The following ATP9B variants were observed in gnomAD, a reference collection of about 807,000 sequenced individuals.
ATP9B encodes the protein probable phospholipid-transporting ATPase IIB.
In ATP9B, 110 loss-of-function variants were observed where a neutral mutation model predicts 146.1. The ratio of observed to expected loss-of-function variants is 0.75; its 90% CI spans 0.65 to 0.88. The LOEUF is 0.88. Among genes scored for constraint, ATP9B ranks in the 40% least tolerant of loss-of-function variants. The pLI is 0.00. For synonymous variants in ATP9B, 604 were observed against 569.7 expected (o/e 1.06, Z -0.86); for missense variants, 1,499 against 1,496.4 (o/e 1.00, Z -0.03).
Position 79,344,424 on chromosome 18 carries a change from G to A in ATP9B, c.2472+70G>A, listed in dbSNP as rs148291652. 323 of 1,400,372 alleles carry A rather than the reference G, an allele frequency of 2.3e-4. No individual in the cohort carries two copies. In the African/African-American group the frequency reaches 3.2e-3, roughly 14 times the overall value. 86.7% of individuals were successfully genotyped at this position (1,400,372 alleles called of 1,614,324 possible). A position where few individuals can be genotyped will look rare whatever the true frequency, so the allele number is the denominator to read the frequency against. ...AGGCAAGGCTGGTCCCTGGCTGAGT[G>A]TCTGTTTGTCTCTCAGGCAAGGCTG... On this transcript the variant is annotated intron_variant, in intron 21 of 29. Transcript: ENST00000426216.
chr18:79,107,324 C>G (rs1395792628), intron 2 of ATP9B, among the ~76,000 whole-genome samples: 1 of 152,188 alleles, frequency 6.6e-6, no homozygotes, highest in Non-Finnish European at 1.5e-5. Flanking sequence ...GCTGATGTGA[C>G]TGAGGAACTG....
intron 11 of ATP9B, among the ~76,000 whole-genome samples, chr18:79,244,081 T>C (rs896228418): frequency 6.6e-6 from 1 of 152,234 alleles, no homozygotes; most frequent in Non-Finnish European, 1.5e-5. Flanking sequence ...CATTCTCTTT[T>C]CTAAAATTTT....
At chr18:79,373,085 A>C (rs1338976406) in intron 27 of ATP9B, among the ~76,000 whole-genome samples, 3 of 152,094 alleles carry the variant, frequency 2.0e-5, no homozygotes, top group African/African-American at 4.8e-5. Context: ...GCCACCTAAA[A>C]ACTGACTTAG....
intron 1 of ATP9B, among the ~76,000 whole-genome samples, chr18:79,089,443 G>A (rs993044008): frequency 2.6e-5 from 4 of 151,996 alleles, no homozygotes; most frequent in Admixed American, 1.3e-4. Flanking sequence ...CACTGTGCAC[G>A]TGCCCAGCTG....
chr18:79,230,336 G>A (rs1254154704), intron 11 of ATP9B, among the ~76,000 whole-genome samples: 1 of 152,048 alleles, frequency 6.6e-6, no homozygotes, highest in Non-Finnish European at 1.5e-5. Context: ...CATCCAAAAA[G>A]CTCCTAGAAC....
chr18:79,224,281 T>C (rs979448030), intron 11 of ATP9B, among the ~76,000 whole-genome samples: 11 of 152,226 alleles, frequency 7.2e-5, no homozygotes, highest in African/African-American at 1.4e-4. Flanking sequence ...GATTGACTTA[T>C]GACATTTCCT....
intron 7 of ATP9B, among the ~76,000 whole-genome samples, chr18:79,170,798 T>TA: frequency 6.6e-6 from 1 of 152,218 alleles, no homozygotes; most frequent in East Asian, 1.9e-4. Context: ...TTCGCCAGTA[T>TA]AATACTGAGT....
chr18:79,132,370 C>T (rs940649324), intron 5 of ATP9B, among the ~76,000 whole-genome samples: 1 of 152,072 alleles, frequency 6.6e-6, no homozygotes, highest in South Asian at 2.1e-4. Context: ...ATTCAGAGTA[C>T]GAGTTCTCAT....
intron 14 of ATP9B, among the ~76,000 whole-genome samples, chr18:79,305,269 C>T (rs1255037859): frequency 6.6e-6 from 1 of 152,198 alleles, no homozygotes; most frequent in African/African-American, 2.4e-5. Context: ...ATTCAGTGGT[C>T]AGCATTGTAT....
At chr18:79,102,642 G>A (rs2075363939) in intron 2 of ATP9B, among the ~76,000 whole-genome samples, 1 of 152,166 alleles carries the variant, frequency 6.6e-6, no homozygotes, top group East Asian at 1.9e-4. Context: ...AGAAATTTTA[G>A]AATAATCTTG....
intron 13 of ATP9B, among the ~76,000 whole-genome samples, chr18:79,291,850 A>G (rs2096506823): frequency 6.6e-6 from 1 of 152,196 alleles, no homozygotes; most frequent in South Asian, 2.1e-4. Flanking sequence ...ATCTAACTTT[A>G]AAACATTCTC....
chr18:79,370,012 T>C (rs2097059833), intron 26 of ATP9B, among the ~76,000 whole-genome samples: 1 of 152,128 alleles, frequency 6.6e-6, no homozygotes, highest in South Asian at 2.1e-4. Flanking sequence ...GGCAGGAGAA[T>C]CGCTTGAACC....
chr18:79,193,376 G>C, intron 9 of ATP9B, 113 bp downstream of exon 9: 1 of 885,958 alleles, frequency 1.1e-6, no homozygotes, highest in Non-Finnish European at 1.8e-6. Context: ...TTTCAAACTA[G>C]GAAGGGAAAA....
intron 11 of ATP9B, among the ~76,000 whole-genome samples, chr18:79,248,147 C>T (rs1449146608): frequency 6.6e-6 from 1 of 152,162 alleles, no homozygotes; most frequent in African/African-American, 2.4e-5. Flanking sequence ...TGCGGTCAGC[C>T]TGCATGTACT....
At chr18:79,166,235 C>T (rs1197008073) in intron 7 of ATP9B, among the ~76,000 whole-genome samples, 2 of 152,174 alleles carry the variant, frequency 1.3e-5, no homozygotes, top group Non-Finnish European at 2.9e-5. Context: ...AGGGCAGAAA[C>T]AGCAACCCAG....
At chr18:79,104,218 T>C (rs1458359260) in intron 2 of ATP9B, among the ~76,000 whole-genome samples, 4 of 152,128 alleles carry the variant, frequency 2.6e-5, no homozygotes, top group Non-Finnish European at 5.9e-5. Context: ...TGGAGATCAT[T>C]GGGTTGAGAA....
intron 2 of ATP9B, among the ~76,000 whole-genome samples, chr18:79,108,464 T>G (rs2075799038): frequency 6.6e-6 from 1 of 152,196 alleles, no homozygotes; most frequent in African/African-American, 2.4e-5. Flanking sequence ...TTTATAACTG[T>G]TGTGGACTTG....
At chr18:79,163,633 G>C (rs2094916341) in intron 7 of ATP9B, among the ~76,000 whole-genome samples, 1 of 150,896 alleles carries the variant, frequency 6.6e-6, no homozygotes, top group African/African-American at 2.5e-5. Context: ...AACCTTTCTT[G>C]TACTGCTTCT....
intron 11 of ATP9B, among the ~76,000 whole-genome samples, chr18:79,252,869 C>T (rs1158596538): frequency 6.8e-6 from 1 of 147,606 alleles, no homozygotes; most frequent in Non-Finnish European, 1.5e-5. Context: ...GACATACATA[C>T]TGTCCTGTTC....
Sources: allele counts gnomAD v4.1 joint callset (sites outside exome capture counted in the v4.1 genomes callset), GRCh38; gene constraint gnomAD v4.1.1; transcripts MANE v1.5; gene names NCBI Gene and HGNC (gene_info 2026-07-23, HGNC 2026-07-21).